The following EPHB2 variants were observed in gnomAD, a reference collection of about 807,000 sequenced individuals.
EPHB2 encodes EPH receptor B2.
In EPHB2, 18 loss-of-function variants were observed where a neutral mutation model predicts 96.4. The ratio of observed to expected loss-of-function variants is 0.19; its 90% CI spans 0.13 to 0.28. The LOEUF (loss-of-function observed/expected upper bound fraction) is 0.28, where lower values mean the gene tolerates loss of function less well. Ranked by LOEUF, EPHB2 falls within the 10% of genes least tolerant of loss-of-function variation. The probability of loss-of-function intolerance (pLI) is 1.00; values close to 1 mark genes in which losing one functional copy is unlikely to be tolerated. For missense variants in EPHB2, 989 were observed against 1,355.4 expected, an observed-to-expected ratio of 0.73 and a Z score of 4.25; for synonymous variants, 506 against 534.1, an observed-to-expected ratio of 0.95 and a Z score of 0.72.
chr1:22,736,267 G>A lies in EPHB2; in HGVS notation c.61+25224G>A, dbSNP rs572343700. ...GACTGTACCTGAAAGGGGATTGGGCGAGGAGTGATAAGGCTGGTATGGGGG... is the reference window on the plus strand; with the variant it reads ...GACTGTACCTGAAAGGGGATTGGGCAAGGAGTGATAAGGCTGGTATGGGGG... On this transcript the variant is annotated intron_variant, in intron 1 of 15. Coordinates refer to ENST00000374630, the MANE Select transcript of EPHB2 (RefSeq NM_017449.5). 5.9e-5 allele frequency among the ~76,000 whole-genome samples: 9 copies of A among 152,304 alleles called. No homozygotes were observed. The South Asian group carries it at 1.5e-3, about 25-fold the overall frequency.
Position 22,713,082 on chromosome 1 carries a change from C to T in EPHB2, c.61+2039C>T, listed in dbSNP as rs544472754. Among the ~76,000 whole-genome samples the T allele has an allele frequency of 5.3e-5, 8 of 152,158 alleles. No individual in the cohort carries two copies. In the East Asian group the frequency reaches 1.2e-3, roughly 22 times the overall value. ...TGGACACAGGGCTGGTGGGCGCTGA[C>T]GTCACAGGAGGGTATGGCTACTTGG... On this transcript the variant is annotated intron_variant, in intron 1 of 15. Transcript: ENST00000374630.
intron 3 of EPHB2, among the ~76,000 whole-genome samples, chr1:22,834,617 T>C (rs1004876005): frequency 5.9e-5 from 9 of 151,998 alleles, no homozygotes; most frequent in Non-Finnish European, 1.0e-4. Context: ...CCAATAAAAC[T>C]TTATTTTCAA....
intron 1 of EPHB2, among the ~76,000 whole-genome samples, chr1:22,730,127 G>A (rs569895166): frequency 7.2e-5 from 11 of 152,370 alleles, no homozygotes; most frequent in Middle Eastern, 3.4e-3. Flanking sequence ...GCCTTGGGGA[G>A]CTCACACACT....
chr1:22,778,090 A>G (rs1644477851), intron 1 of EPHB2, among the ~76,000 whole-genome samples: 1 of 152,116 alleles, frequency 6.6e-6, no homozygotes, highest in Non-Finnish European at 1.5e-5. Flanking sequence ...CAATGGTGCA[A>G]TCTCAGCTCA....
chr1:22,828,672 A>C (rs185419389), intron 3 of EPHB2, among the ~76,000 whole-genome samples: 65 of 152,340 alleles, frequency 4.3e-4, no homozygotes, highest in African/African-American at 1.5e-3. Context: ...GCACAGTGTT[A>C]AAATCACAGT....
At position 22,896,478 on chromosome 1, in the gene EPHB2, A is replaced by C. The variant is rs747369297; in HGVS notation, c.1765A>C (p.Met589Leu). 2.5e-6 allele frequency: 4 copies of C among 1,614,162 alleles called. No individual in the cohort carries two copies. Among genetic ancestry groups the C allele is most frequent in the Non-Finnish European group, 3.4e-6 (4 of 1,180,026 alleles). Residue 589 changes from methionine to leucine, a missense_variant and splice_region_variant, in exon 9 of 16, where the codon ATG becomes CTG. By Grantham distance (15) the Met-to-Leu change is conservative. Transcript: ENST00000374630. ...GCTGCAACACTACACCAGTGGCCAC[A>C]GTATGTACACACCCAAGCGGGCTGG... ...DKLQHYTSGH[M>L]TPGMKIYIDP...
Position 22,914,891 on chromosome 1 carries a change from G to C in EPHB2, c.*1321G>C, listed in dbSNP as rs1000292470. 6.6e-6 allele frequency: 1 copy of C among 152,558 alleles called. No individual in the cohort carries two copies. Among genetic ancestry groups the C allele is most frequent in the African/African-American group, 2.4e-5 (1 of 41,408 alleles). 9.5% of individuals were successfully genotyped at this position (152,558 alleles called of 1,614,324 possible). A position where few individuals can be genotyped will look rare whatever the true frequency, so the allele number is the denominator to read the frequency against. ...ACAGATTGAGGAGGAAGTGGGCTCT[G>C]AGGCTGCAGGGCTGGAAGTCCTTGC... is the stretch of plus-strand genomic sequence containing the variant. On this transcript the variant is annotated 3_prime_UTR_variant, in exon 16 of 16. Transcript: ENST00000374630.
chr1:22,717,010 G>A (rs1643311842), intron 1 of EPHB2, among the ~76,000 whole-genome samples: 1 of 152,216 alleles, frequency 6.6e-6, no homozygotes, highest in African/African-American at 2.4e-5. Flanking sequence ...TACTCTCCAG[G>A]TCTTTCCATT....
chr1:22,831,199 G>A (rs1434716262), intron 3 of EPHB2, among the ~76,000 whole-genome samples: 1 of 152,282 alleles, frequency 6.6e-6, no homozygotes, highest in East Asian at 1.9e-4. Flanking sequence ...GATGAAGGGC[G>A]GCTGCAGGGA....
At chr1:22,876,635 T>G (rs1448784125) in intron 5 of EPHB2, among the ~76,000 whole-genome samples, 1 of 152,124 alleles carries the variant, frequency 6.6e-6, no homozygotes, top group Non-Finnish European at 1.5e-5. Flanking sequence ...ACTGACCCCA[T>G]CCCCCTGTCA....
chr1:22,896,106 T>C (rs1309365698), intron 8 of EPHB2, among the ~76,000 whole-genome samples: 3 of 152,184 alleles, frequency 2.0e-5, no homozygotes, highest in South Asian at 4.1e-4. Flanking sequence ...CATTTCAGAA[T>C]AGACTGAACC....
At chr1:22,811,913 C>T (rs778437623) in intron 3 of EPHB2, among the ~76,000 whole-genome samples, 3 of 152,210 alleles carry the variant, frequency 2.0e-5, no homozygotes, top group Non-Finnish European at 1.5e-5. Context: ...ATGGCATGCA[C>T]CTATAATCCC....
rs144258519 is a variant in EPHB2 at position 22,781,437 on chromosome 1, C to T, written c.78C>T (p.Ser26=). The T allele has an allele frequency of 7.6e-5, 123 of 1,614,024 alleles. 1 individual carries two copies. The African/African-American group carries it at 1.3e-3, about 17-fold the overall frequency. The stretch of plus-strand genomic sequence containing the variant: ...TCCCCACAGAAACGCTAATGGACTC[C>T]ACTACAGCGACTGCTGAGCTGGGCT... ...LAAVEETLMD[S]TTATAELGWM... Residue 26 remains serine (S), a synonymous_variant, in exon 2 of 16, where the codon TCC becomes TCT. Transcript: ENST00000374630.
intron 1 of EPHB2, among the ~76,000 whole-genome samples, chr1:22,717,594 G>A (rs141376648): frequency 3.9e-4 from 59 of 152,284 alleles, no homozygotes; most frequent in Admixed American, 9.2e-4. Context: ...AGAATACCGC[G>A]CATGTGTCAG....
chr1:22,842,344 C>T (rs1378796726), intron 3 of EPHB2, among the ~76,000 whole-genome samples: 1 of 152,154 alleles, frequency 6.6e-6, no homozygotes, highest in Admixed American at 6.5e-5. Context: ...GCATCTCACT[C>T]GTCACTACCT....
chr1:22,821,988 A>G (rs931833441), intron 3 of EPHB2, among the ~76,000 whole-genome samples: 3 of 152,206 alleles, frequency 2.0e-5, no homozygotes, highest in Non-Finnish European at 4.4e-5. Flanking sequence ...AAAAAAAACT[A>G]AGGTCCTTGG....
chr1:22,808,642 C>T (rs763281768), intron 3 of EPHB2, among the ~76,000 whole-genome samples: 1 of 152,202 alleles, frequency 6.6e-6, no homozygotes, highest in African/African-American at 2.4e-5. Flanking sequence ...AGATTAATAG[C>T]TTAACATTTA....
intron 3 of EPHB2, among the ~76,000 whole-genome samples, chr1:22,788,755 T>G (rs1281546549): frequency 9.6e-4 from 5 of 5,198 alleles, no homozygotes; most frequent in Non-Finnish European, 8.3e-3. Flanking sequence ...TTGTTTTTGT[T>G]TTTTTTTTTT....
At chr1:22,743,968 A>G (rs1643935182) in intron 1 of EPHB2, among the ~76,000 whole-genome samples, 2 of 152,232 alleles carry the variant, frequency 1.3e-5, no homozygotes. Flanking sequence ...CCCCCAAATT[A>G]CAACGTAGGA....
Sources: gnomAD v4.1 joint callset for allele counts (sites outside exome capture counted in the v4.1 genomes callset) on GRCh38, gnomAD v4.1.1 for gene constraint, MANE v1.5 for transcripts, NCBI Gene and HGNC (gene_info 2026-07-23, HGNC 2026-07-21) for gene names.